Variants in GRM5 observed in about 807,000 individuals in gnomAD.
The protein encoded by GRM5 is glutamate metabotropic receptor 5.
Under a neutral mutation model 83.1 loss-of-function variants are expected in GRM5, and 19 were observed. That is an observed-to-expected ratio of 0.23 (90% CI 0.16 to 0.34). The LOEUF (loss-of-function observed/expected upper bound fraction) is 0.34, where lower values mean the gene tolerates loss of function less well. GRM5 is among the 10% of genes least tolerant of loss of function. The pLI is 1.00. For missense variants in GRM5, 1,160 were observed against 1,588.3 expected (o/e 0.73, Z 4.58); for synonymous variants, 675 against 633.6 (o/e 1.07, Z -0.98).
chr11:88,742,465 GA>G, intron 3 of GRM5, among the ~76,000 whole-genome samples: 2 of 152,098 alleles, frequency 1.3e-5, no homozygotes, highest in South Asian at 4.2e-4. Context: ...TCAAATCTGG[GA>G]TCCAAATTTC....
At chr11:88,814,221 C>A (rs1327097135) in intron 3 of GRM5, among the ~76,000 whole-genome samples, 1 of 152,156 alleles carries the variant, frequency 6.6e-6, no homozygotes, top group Non-Finnish European at 1.5e-5. Context: ...ATGAACCCTA[C>A]AATTGCCCTA....
chr11:88,614,726 A>G (rs1938422474), intron 4 of GRM5, among the ~76,000 whole-genome samples: 1 of 152,162 alleles, frequency 6.6e-6, no homozygotes. Context: ...TAAGCACTAC[A>G]AGATAGACCT....
At chr11:89,000,347 T>C (rs1430421378) in intron 2 of GRM5, among the ~76,000 whole-genome samples, 1 of 152,154 alleles carries the variant, frequency 6.6e-6, no homozygotes, top group Non-Finnish European at 1.5e-5. Context: ...CCACAATATG[T>C]TATACTGGCA....
chr11:88,741,283 C>T (rs370223899), intron 3 of GRM5, among the ~76,000 whole-genome samples: 43 of 152,098 alleles, frequency 2.8e-4, no homozygotes, highest in African/African-American at 9.2e-4. Context: ...TGCAACTGGA[C>T]CAGTACAGTA....
At chr11:88,536,018 T>C (rs950316584) in intron 8 of GRM5, among the ~76,000 whole-genome samples, 3 of 152,220 alleles carry the variant, frequency 2.0e-5, no homozygotes, top group African/African-American at 7.2e-5. Context: ...CAATTGGTCC[T>C]TATAATCATG....
At chr11:88,752,143 G>C (rs1942289275) in intron 3 of GRM5, among the ~76,000 whole-genome samples, 1 of 152,116 alleles carries the variant, frequency 6.6e-6, no homozygotes, top group South Asian at 2.1e-4. Context: ...TATTCAAATA[G>C]GAAGAGAAAA....
At chr11:88,716,698 A>T (rs1292156989) in intron 3 of GRM5, among the ~76,000 whole-genome samples, 1 of 151,980 alleles carries the variant, frequency 6.6e-6, no homozygotes, top group Non-Finnish European at 1.5e-5. Flanking sequence ...TTACCCACTG[A>T]GGCAGGTGAC....
chr11:88,820,087 A>C (rs1943759993), intron 3 of GRM5, among the ~76,000 whole-genome samples: 1 of 152,062 alleles, frequency 6.6e-6, no homozygotes. Context: ...AAATCATAGC[A>C]GATTAATTTT....
intron 2 of GRM5, among the ~76,000 whole-genome samples, chr11:89,021,902 T>C (rs1940994040): frequency 6.6e-6 from 1 of 152,176 alleles, no homozygotes; most frequent in East Asian, 1.9e-4. Context: ...GATACAACTG[T>C]TAATATATTA....
intron 2 of GRM5, among the ~76,000 whole-genome samples, chr11:88,980,292 A>G (rs908856505): frequency 9.9e-5 from 15 of 152,206 alleles, no homozygotes; most frequent in African/African-American, 3.4e-4. Flanking sequence ...TGAGTAGTTA[A>G]CAAAAAATAA....
At chr11:89,020,767 T>G (rs1470265917) in intron 2 of GRM5, among the ~76,000 whole-genome samples, 1 of 152,244 alleles carries the variant, frequency 6.6e-6, no homozygotes, top group Non-Finnish European at 1.5e-5. Context: ...CATACATTTA[T>G]GCAATATATA....
chr11:88,819,813 C>G (rs1424045935), intron 3 of GRM5, among the ~76,000 whole-genome samples: 1 of 152,106 alleles, frequency 6.6e-6, no homozygotes, highest in Admixed American at 6.6e-5. Flanking sequence ...CCATATCTGG[C>G]AAGCACTTTC....
intron 2 of GRM5, among the ~76,000 whole-genome samples, chr11:88,939,913 T>C (rs778436902): frequency 6.6e-6 from 1 of 151,808 alleles, no homozygotes; most frequent in Non-Finnish European, 1.5e-5. Flanking sequence ...TGCAAATAAC[T>C]GTACATAGGC....
At chr11:88,554,446 A>G (rs1942579977) in intron 8 of GRM5, among the ~76,000 whole-genome samples, 1 of 152,184 alleles carries the variant, frequency 6.6e-6, no homozygotes, top group South Asian at 2.1e-4. Flanking sequence ...GGGGGCCATC[A>G]TCTGGCTACT....
At chr11:88,768,692 G>T (rs1225231055) in intron 3 of GRM5, among the ~76,000 whole-genome samples, 1 of 151,886 alleles carries the variant, frequency 6.6e-6, no homozygotes, top group African/African-American at 2.4e-5. Flanking sequence ...GTCCTTATAT[G>T]AAAGAGACAA....
chr11:88,861,313 T>C (rs898221703), intron 2 of GRM5, among the ~76,000 whole-genome samples: 5 of 152,184 alleles, frequency 3.3e-5, no homozygotes, highest in African/African-American at 1.2e-4. Flanking sequence ...TAACAAAGGA[T>C]ATGTAGATCA....
chr11:88,727,065 A>C (rs1227952944), intron 3 of GRM5, among the ~76,000 whole-genome samples: 1 of 152,254 alleles, frequency 6.6e-6, no homozygotes, highest in Non-Finnish European at 1.5e-5. Context: ...TAAATGGGCT[A>C]AATGCCTCAA....
intron 3 of GRM5, among the ~76,000 whole-genome samples, chr11:88,769,047 A>G (rs1463273967): frequency 6.6e-6 from 1 of 152,094 alleles, no homozygotes; most frequent in Admixed American, 6.6e-5. Flanking sequence ...AGGCTAAAGA[A>G]ACTGCATGTT....
chr11:89,036,710 G>T (rs1006768604), intron 2 of GRM5, among the ~76,000 whole-genome samples: 1 of 131,556 alleles, frequency 7.6e-6, no homozygotes, highest in Non-Finnish European at 1.6e-5. Context: ...CTATTAATCA[G>T]TATTTGTACT....
Sources: allele counts gnomAD v4.1 joint callset (sites outside exome capture counted in the v4.1 genomes callset), GRCh38; gene constraint gnomAD v4.1.1; transcripts MANE v1.5; gene names NCBI Gene and HGNC (gene_info 2026-07-23, HGNC 2026-07-21).